Variants in NEU4 observed in about 807,000 individuals in gnomAD.
NEU4 encodes sialidase-4.
NEU4 carries 7 observed loss-of-function variants against 9.9 expected under a neutral mutation model. The ratio of observed to expected loss-of-function variants is 0.71; its 90% CI spans 0.40 to 1.33. NEU4 has a LOEUF of 1.33. NEU4 is among the 40% of genes most tolerant of loss of function. The pLI is 0.01. For synonymous variants in NEU4, 348 were observed against 316.9 expected (o/e 1.10, Z -1.04); for missense variants, 717 against 712.6 (o/e 1.01, Z -0.07).
At chr2:241,815,720 A>T (rs2125217596) in intron 3 of NEU4, 1 of 554,818 alleles carries the variant, frequency 1.8e-6, no homozygotes, top group East Asian at 3.3e-5. Flanking sequence ...TGGGAGCTAC[A>T]GCAGGGAGTG....
In NEU4 at chr2:241,815,051, G is replaced by A. The variant is rs368555466; in HGVS notation, c.361G>A (p.Ala121Thr). The A allele has an allele frequency of 5.0e-6, 8 of 1,590,090 alleles. No individual in the cohort carries two copies. The African/African-American group carries it at 5.4e-5, about 11-fold the overall frequency. ...EAVQIATGRN[A>T]ARLCCVASRD... is the part of the protein sequence containing the mutation. The stretch of plus-strand genomic sequence containing the variant: ...CGTGCAGATCGCCACGGGAAGGAAC[G>A]CCGCGCGCCTCTGCTGTGTGGCCAG... Residue 121 changes from alanine to threonine, a missense_variant, in exon 3 of 4, where the codon GCC becomes ACC. Transcript: ENST00000407683.
Position 241,815,068 on chromosome 2 carries a change from T to G in NEU4, c.378T>G (p.Cys126Trp), listed in dbSNP as rs768650395. The change falls in exon 3 of 4, where the codon TGT becomes TGG. Residue 126 changes from cysteine (C) to tryptophan (W), a missense_variant. By Grantham distance (215) the Cys-to-Trp change is radical (BLOSUM62 -2). Coordinates refer to ENST00000407683, the MANE Select transcript of NEU4 (RefSeq NM_001167600.3). Reference protein sequence around the residue: ...ATGRNAARLCCVASRDAGLSW... With the variant: ...ATGRNAARLCWVASRDAGLSW... ...GAAGGAACGCCGCGCGCCTCTGCTG[T>G]GTGGCCAGCCGTGACGCCGGCCTCT... 3.2e-6 allele frequency: 5 copies of G among 1,583,036 alleles called. No individual in the cohort carries two copies. Among genetic ancestry groups the G allele is most frequent in the African/African-American group, 1.3e-5 (1 of 74,642 alleles).
At chr2:241,811,576 C>T in intron 1 of NEU4, 2 of 921,200 alleles carry the variant, frequency 2.2e-6, no homozygotes, top group South Asian at 3.9e-5. Flanking sequence ...TCTGGGGGTG[C>T]TGGACGAGTC....
Position 241,809,267 on chromosome 2 carries a change from T to G in NEU4, c.-11T>G, listed in dbSNP as rs1476265815. 1.6e-6 allele frequency: 2 copies of G among 1,288,282 alleles called. No homozygotes were observed. The highest frequency in any genetic ancestry group is 2.3e-5 in the Admixed American group (1 of 43,554). 79.8% of individuals were successfully genotyped at this position (1,288,282 alleles called of 1,614,324 possible). On this transcript the variant is annotated 5_prime_UTR_variant, in exon 1 of 4. Coordinates refer to ENST00000407683, the MANE Select transcript of NEU4 (RefSeq NM_001167600.3). ...CTCTGCCTTTGAGGTTGGCGGGAACTGAAACTGGTACGGTCTTTTTGAATA... is the reference window on the plus strand; with the variant it reads ...CTCTGCCTTTGAGGTTGGCGGGAACGGAAACTGGTACGGTCTTTTTGAATA...
intron 1 of NEU4, chr2:241,811,377 G>A: frequency 1.3e-6 from 2 of 1,494,322 alleles, no homozygotes; most frequent in South Asian, 1.3e-5. Flanking sequence ...CTGGCCTGCT[G>A]CCCGCACAGT....
chr2:241,815,561 G>A, intron 3 of NEU4: 1 of 505,170 alleles, frequency 2.0e-6, no homozygotes, highest in South Asian at 1.6e-5. Context: ...TGGACGCTGA[G>A]GTGTCTCTCA....
At chr2:241,814,367 G>C (rs1399242333) in intron 1 of NEU4, 115 bp from the exon 2 acceptor site, 1 of 972,378 alleles carries the variant, frequency 1.0e-6, no homozygotes. Context: ...AAGAGGCCCA[G>C]GTGTGGGCAG....
rs1226388598 is a variant in NEU4 at position 241,815,782 on chromosome 2, C to T, written c.458-269C>T. On this transcript the variant is annotated intron_variant, in intron 3 of 3. Coordinates refer to ENST00000407683, the MANE Select transcript of NEU4 (RefSeq NM_001167600.3). ...CCCCACTGCAGGGCCTCATGCCCCC[C>T]GCCTGCCCTCCGCTCTCTCTGTGTG... The T allele has an allele frequency of 4.1e-5, 24 of 590,194 alleles. No homozygotes were observed. The East Asian group carries it at 5.1e-4, about 13-fold the overall frequency. 36.6% of individuals were successfully genotyped at this position (590,194 alleles called of 1,614,324 possible).
rs767264960 is a variant in NEU4 at position 241,816,883 on chromosome 2, G to C, written c.1290G>C (p.Glu430Asp). The change falls in exon 4 of 4, where the codon GAG becomes GAC. Residue 430 changes from glutamate (E) to aspartate (D), a missense_variant. Transcript: ENST00000407683. The stretch of plus-strand genomic sequence containing the variant: ...TGGCGTCCATCGGGCCGGCCCCTGA[G>C]GGGGGCCTGGTTTTTGCCTGCCTGT... ...SDLASIGPAP[E>D]GGLVFACLYE... is the part of the protein sequence containing the mutation. 2.5e-6 allele frequency: 4 copies of C among 1,611,716 alleles called. No homozygotes were observed. Among genetic ancestry groups the C allele is most frequent in the Admixed American group, 3.3e-5 (2 of 59,968 alleles).
rs1251409144 is a variant in NEU4 at position 241,817,136 on chromosome 2, G to C, written c.*88G>C. 8.9e-6 allele frequency: 12 copies of C among 1,344,798 alleles called. No homozygotes were observed. The Admixed American group carries it at 2.8e-4, about 32-fold the overall frequency. 83.3% of individuals were successfully genotyped at this position (1,344,798 alleles called of 1,614,324 possible). A position where few individuals can be genotyped will look rare whatever the true frequency, so the allele number is the denominator to read the frequency against. On this transcript the variant is annotated 3_prime_UTR_variant, in exon 4 of 4. Transcript: ENST00000407683. ...GGTGCCCCACGATAGCTGTGGGGGG[G>C]GCTCTTAGTGCAGGATCCTGTGGAT...
rs760065103 is a variant in NEU4 at position 241,814,613 on chromosome 2, G to T, written c.129G>T (p.Arg43=). Residue 43 remains arginine, a synonymous_variant, in exon 2 of 4, where the codon CGG becomes CGT. Coordinates refer to ENST00000407683, the MANE Select transcript of NEU4 (RefSeq NM_001167600.3). ...GPTLLAFVEQ[R]LSPDDSHAHR... is the part of the protein sequence containing the mutation. ...CCCTGCTGGCCTTTGTGGAGCAGCG[G>T]CTCAGCCCTGACGACTCCCACGCCC... 1.9e-6 allele frequency: 3 copies of T among 1,607,498 alleles called. No homozygotes were observed. The highest frequency in any genetic ancestry group is 2.2e-5 in the South Asian group (2 of 90,360).
chr2:241,816,028 C>T, intron 3 of NEU4, 23 bp from the exon 4 acceptor site: 1 of 1,567,986 alleles, frequency 6.4e-7, no homozygotes, highest in Non-Finnish European at 8.6e-7. Context: ...CAGCCCCTCC[C>T]ACCTCTGCCC....
intron 1 of NEU4, chr2:241,811,397 T>G (rs1485980120): frequency 2.6e-6 from 4 of 1,529,820 alleles, no homozygotes; most frequent in Non-Finnish European, 3.5e-6. Context: ...TGGGCCCTTG[T>G]CTCTGCTCTG....
chr2:241,814,834 G>T, intron 2 of NEU4, 58 bp from the exon 3 acceptor site: 1 of 1,568,524 alleles, frequency 6.4e-7, no homozygotes, highest in South Asian at 1.2e-5. Context: ...GTGCCCTGCG[G>T]GGGGCTGTGC....
At position 241,817,060 on chromosome 2, in the gene NEU4, G is replaced by C; in HGVS notation, c.*12G>C. On this transcript the variant is annotated 3_prime_UTR_variant, in exon 4 of 4. Transcript: ENST00000407683. Reference sequence around the variant, plus strand: ...GCTGGCCCTCCTGACAGGCCTTCTGGCCGTGCCCATGCCCCTTGGGTGCCT... The same window carrying C: ...GCTGGCCCTCCTGACAGGCCTTCTGCCCGTGCCCATGCCCCTTGGGTGCCT... The C allele has an allele frequency of 6.4e-7, 1 of 1,566,760 alleles. No individual in the cohort carries two copies. The highest frequency in any genetic ancestry group is 8.6e-7 in the Non-Finnish European group (1 of 1,159,172).
intron 2 of NEU4, 89 bp downstream of exon 2, chr2:241,814,774 C>T (rs1274434983): frequency 1.3e-6 from 2 of 1,512,364 alleles, no homozygotes; most frequent in East Asian, 4.7e-5. Flanking sequence ...GTGGCGGCGG[C>T]AGGCAGATGC....
In NEU4 at chr2:241,815,061, TCTG is replaced by T; in HGVS notation, c.375_377del (p.Cys126del). On this transcript the variant is annotated inframe_deletion, in exon 3 of 4. Transcript: ENST00000407683. ...GCCACGGGAAGGAACGCCGCGCGCC[TCTG>T]CTGTGTGGCCAGCCGTGACGCCGGC... 2.5e-6 allele frequency: 4 copies of T among 1,585,994 alleles called. No individual in the cohort carries two copies. The highest frequency in any genetic ancestry group is 3.4e-6 in the Non-Finnish European group (4 of 1,173,024).
intron 2 of NEU4, 54 bp from the exon 3 acceptor site, chr2:241,814,838 G>T: frequency 4.5e-6 from 7 of 1,572,278 alleles, no homozygotes; most frequent in Non-Finnish European, 4.3e-6. Context: ...CCTGCGGGGG[G>T]CTGTGCCCAG....
rs1378861222 is a variant in NEU4, at chr2:241,816,157, C to T, written c.564C>T (p.Gly188=). The part of the protein sequence containing the change: ...TYRVDRRECF[G]KICRTSPHSF... ...GCGTGGACCGCCGAGAGTGTTTTGG[C>T]AAGATCTGCCGGACCAGCCCTCACT... Residue 188 remains glycine (G), a synonymous_variant, in exon 4 of 4, where the codon GGC becomes GGT. Transcript: ENST00000407683. 1.2e-6 allele frequency: 2 copies of T among 1,612,338 alleles called. No homozygotes were observed. The highest frequency in any genetic ancestry group is 1.7e-6 in the Non-Finnish European group (2 of 1,179,816).
Sources: allele counts gnomAD v4.1 joint callset, GRCh38; gene constraint gnomAD v4.1.1; transcripts MANE v1.5; gene names NCBI Gene and HGNC (gene_info 2026-07-23, HGNC 2026-07-21).